The following DLC1 variants were observed in gnomAD, a reference collection of about 807,000 sequenced individuals.
DLC1 encodes rho GTPase-activating protein 7.
In DLC1, 54 loss-of-function variants were observed where a neutral mutation model predicts 140.3. That is an observed-to-expected ratio of 0.38 (90% CI 0.31 to 0.48). The LOEUF (loss-of-function observed/expected upper bound fraction) is 0.48. Ranked by LOEUF, DLC1 falls within the 20% of genes least tolerant of loss-of-function variation. The probability of loss-of-function intolerance (pLI) is 0.96; values close to 1 mark genes in which losing one functional copy is unlikely to be tolerated. For missense variants in DLC1, 2,536 were observed against 1,907.0 expected (o/e 1.33, Z -6.14); for synonymous variants, 986 against 728.1 (o/e 1.35, Z -5.70).
chr8:13,332,366 G>A (rs921739721), intron 4 of DLC1, among the ~76,000 whole-genome samples: 4 of 151,856 alleles, frequency 2.6e-5, no homozygotes, highest in African/African-American at 9.7e-5. Context: ...AATGACCAGA[G>A]CACACATAGC....
intron 1 of DLC1, among the ~76,000 whole-genome samples, chr8:13,543,085 A>C (rs956045402): frequency 6.6e-6 from 1 of 152,172 alleles, no homozygotes. Flanking sequence ...TAAATTAACT[A>C]TGAAAAGGGT....
intron 4 of DLC1, among the ~76,000 whole-genome samples, chr8:13,336,798 T>C (rs1316888393): frequency 3.9e-5 from 6 of 152,182 alleles, no homozygotes; most frequent in South Asian, 2.1e-4. Flanking sequence ...AATAGTATAA[T>C]GTATGCCACC....
At chr8:13,594,046 G>A (rs960129062) in intron 1 of DLC1, among the ~76,000 whole-genome samples, 8 of 152,052 alleles carry the variant, frequency 5.3e-5, no homozygotes, top group Non-Finnish European at 8.8e-5. Flanking sequence ...TGTGGTCCTA[G>A]CTAGTCAGGG....
chr8:13,294,281 G>A (rs1002222002), intron 5 of DLC1, among the ~76,000 whole-genome samples: 1 of 152,124 alleles, frequency 6.6e-6, no homozygotes, highest in African/African-American at 2.4e-5. Flanking sequence ...CATCTTTTAG[G>A]TGCACCGTAC....
At chr8:13,238,464 G>A (rs1310561714) in intron 5 of DLC1, among the ~76,000 whole-genome samples, 3 of 151,730 alleles carry the variant, frequency 2.0e-5, no homozygotes, top group Non-Finnish European at 4.4e-5. Flanking sequence ...AGTGAGCCAC[G>A]TTCACGCCAC....
intron 5 of DLC1, among the ~76,000 whole-genome samples, chr8:13,171,890 G>A (rs114776350): frequency 0.02 from 3,032 of 152,218 alleles, 101 homozygotes; most frequent in African/African-American, 0.067. Context: ...GAGAGGTTTG[G>A]TTCTAAAGTG....
At chr8:13,366,146 T>C (rs1420297413) in intron 4 of DLC1, among the ~76,000 whole-genome samples, 3 of 152,208 alleles carry the variant, frequency 2.0e-5, no homozygotes, top group Non-Finnish European at 4.4e-5. Context: ...TCCAGCTAGC[T>C]GTTTAACACT....
At chr8:13,535,638 T>C (rs543958151) in intron 1 of DLC1, among the ~76,000 whole-genome samples, 3 of 145,188 alleles carry the variant, frequency 2.1e-5, no homozygotes, top group Non-Finnish European at 4.5e-5. Flanking sequence ...GGTAGCAAGA[T>C]TTAAGTGAGG....
At chr8:13,160,871 G>T (rs1292807577) in intron 5 of DLC1, among the ~76,000 whole-genome samples, 1 of 152,158 alleles carries the variant, frequency 6.6e-6, no homozygotes, top group Non-Finnish European at 1.5e-5. Context: ...GGATCACGAG[G>T]TCTCAGGAGA....
intron 1 of DLC1, among the ~76,000 whole-genome samples, chr8:13,535,331 G>A (rs984471745): frequency 6.6e-6 from 1 of 151,986 alleles, no homozygotes; most frequent in Non-Finnish European, 1.5e-5. Flanking sequence ...TGTGGGGACA[G>A]GAGTGTTACA....
intron 1 of DLC1, among the ~76,000 whole-genome samples, chr8:13,596,916 G>C (rs1805699697): frequency 6.6e-6 from 1 of 151,964 alleles, no homozygotes; most frequent in Non-Finnish European, 1.5e-5. Flanking sequence ...TGCCTGCGGA[G>C]TGTGGATCAG....
intron 2 of DLC1, among the ~76,000 whole-genome samples, chr8:13,407,662 A>C (rs987238168): frequency 7.2e-5 from 11 of 152,206 alleles, no homozygotes; most frequent in African/African-American, 2.7e-4. Context: ...CGGTGGCATC[A>C]CATAGTCATG....
At chr8:13,534,610 G>T (rs983638088) in intron 1 of DLC1, among the ~76,000 whole-genome samples, 2 of 152,062 alleles carry the variant, frequency 1.3e-5, no homozygotes, top group African/African-American at 2.4e-5. Context: ...GGAAGTTAAG[G>T]TACTGATCTC....
At chr8:13,447,554 C>A (rs565211618) in intron 2 of DLC1, among the ~76,000 whole-genome samples, 1 of 152,192 alleles carries the variant, frequency 6.6e-6, no homozygotes, top group African/African-American at 2.4e-5. Context: ...TTATCTACAT[C>A]TCAATACTAT....
chr8:13,133,051 T>A, intron 5 of DLC1: 1 of 1,568,964 alleles, frequency 6.4e-7, no homozygotes. Context: ...GGCTTCCGCG[T>A]CGGGACCCAC....
chr8:13,304,345 T>C (rs896214071), intron 5 of DLC1, among the ~76,000 whole-genome samples: 1 of 152,190 alleles, frequency 6.6e-6, no homozygotes, highest in South Asian at 2.1e-4. Context: ...TTCAACATTA[T>C]TAAAGTGAAG....
At chr8:13,401,234 G>T (rs1563316887) in intron 3 of DLC1, among the ~76,000 whole-genome samples, 1 of 152,144 alleles carries the variant, frequency 6.6e-6, no homozygotes, top group Non-Finnish European at 1.5e-5. Context: ...TTTCCTTCCT[G>T]TTTAATGATA....
chr8:13,490,589 C>T (rs1801188835), intron 2 of DLC1, among the ~76,000 whole-genome samples: 2 of 151,954 alleles, frequency 1.3e-5, no homozygotes, highest in African/African-American at 4.8e-5. Flanking sequence ...GGCATTTCTT[C>T]GAGGGAGGCA....
At chr8:13,093,003 C>T (rs1585586237) in intron 12 of DLC1, among the ~76,000 whole-genome samples, 178 bp from the exon 13 acceptor site, 1 of 152,264 alleles carries the variant, frequency 6.6e-6, no homozygotes, top group East Asian at 1.9e-4. Flanking sequence ...GCGTCACTAT[C>T]CTCAAGTATT....
Sources: allele counts gnomAD v4.1 joint callset (sites outside exome capture counted in the v4.1 genomes callset), GRCh38; gene constraint gnomAD v4.1.1; transcripts MANE v1.5; gene names NCBI Gene and HGNC (gene_info 2026-07-23, HGNC 2026-07-21).